The following MTERF1 variants were observed in gnomAD, a reference collection of about 807,000 sequenced individuals.
The protein encoded by MTERF1 is mitochondrial transcription termination factor 1, also known as transcription termination factor 1, mitochondrial.
A neutral mutation model predicts 31.6 loss-of-function variants in MTERF1; 29 were observed. The observed-to-expected ratio is 0.92, with a 90% CI of 0.68 to 1.25. MTERF1 has a LOEUF of 1.25. Ranked by LOEUF, MTERF1 falls within the 50% of genes most tolerant of loss-of-function variation. The pLI is 0.00. For missense variants in MTERF1, 500 were observed against 469.1 expected, an observed-to-expected ratio of 1.07 and a Z score of -0.61; for synonymous variants, 152 against 164.1, an observed-to-expected ratio of 0.93 and a Z score of 0.57.
intron 1 of MTERF1, 71 bp downstream of exon 1, chr7:91,880,586 C>A: frequency 6.4e-6 from 1 of 156,476 alleles, no homozygotes; most frequent in Non-Finnish European, 1.4e-5. Flanking sequence ...CTGCACTGTA[C>A]AGCAGTCACC....
rs376402234 is a variant in MTERF1 at position 91,874,121 on chromosome 7, A to G, written c.673T>C (p.Leu225=). 21 of 1,614,044 alleles carry G rather than the reference A, an allele frequency of 1.3e-5. No individual in the cohort carries two copies. In the Admixed American group the frequency reaches 1.7e-4, roughly 13 times the overall value. The change falls in exon 3 of 3, where the codon TTG becomes CTG. Residue 225 remains leucine, a synonymous_variant. Coordinates refer to ENST00000351870, the MANE Select transcript of MTERF1 (RefSeq NM_006980.5). ...VEFLQAAGLS[L]GHNDPADFVR... The stretch of plus-strand genomic sequence containing the variant: ...AAATCTGCGGGATCATTGTGACCCA[A>G]TGACAAACCGGCTGCCTGCAAAAAT...
Position 91,880,090 on chromosome 7 carries a change from A to C in MTERF1, c.-7T>G, listed in dbSNP as rs1584467366. 6.2e-7 allele frequency: 1 copy of C among 1,614,050 alleles called. No individual in the cohort carries two copies. The highest frequency in any genetic ancestry group is 1.6e-4 in the Middle Eastern group (1 of 6,062). ...CTAAGGAAAGGCTCTGCATCCCTCC[A>C]GAAAGGCTGGAGAACAGCTATCTCT... On this transcript the variant is annotated 5_prime_UTR_variant, in exon 2 of 3. Transcript: ENST00000351870.
chr7:91,872,760 A>G lies in MTERF1; in HGVS notation c.*834T>C, dbSNP rs930830998. Reference sequence around the variant, plus strand: ...GTCTTTCAGTTTATGTCAGAGCTAGATTGTATCTTGAAAATACCGACATTA... The same window carrying G: ...GTCTTTCAGTTTATGTCAGAGCTAGGTTGTATCTTGAAAATACCGACATTA... On this transcript the variant is annotated 3_prime_UTR_variant, in exon 3 of 3. Transcript: ENST00000351870. 1.3e-5 allele frequency: 2 copies of G among 152,188 alleles called. No homozygotes were observed. Among genetic ancestry groups the G allele is most frequent in the Non-Finnish European group, 2.9e-5 (2 of 68,024 alleles). 9.4% of individuals were successfully genotyped at this position (152,188 alleles called of 1,614,324 possible).
Position 91,874,237 on chromosome 7 carries a change from A to G in MTERF1, c.557T>C (p.Val186Ala), listed in dbSNP as rs1273846116. The G allele has an allele frequency of 1.4e-5, 22 of 1,613,996 alleles. No individual in the cohort carries two copies. The highest frequency in any genetic ancestry group is 1.9e-5 in the Non-Finnish European group (22 of 1,180,044). Residue 186 changes from valine (V) to alanine (A), a missense_variant, in exon 3 of 3, where the codon GTT becomes GCT. By Grantham distance (64) the Val-to-Ala change is moderately conservative. Transcript: ENST00000351870. ...LENNIKFLYS[V>A]GLTRKCLCRL... is the part of the protein sequence containing the mutation. ...ACAAAGGCATTTACGGGTCAATCCA[A>G]CTGAGTAGAGGAACTTTATATTATT...
chr7:91,874,302 A>G lies in MTERF1; in HGVS notation c.492T>C (p.Pro164=), dbSNP rs761603261. The part of the protein sequence containing the change: ...LEIVNILERS[P]ESFFRSNNNL... ...TGTTATTGGACCGAAAAAAGGATTC[A>G]GGAGAACGTTCCAAAATATTTACAA... is the stretch of plus-strand genomic sequence containing the variant. The change falls in exon 3 of 3, where the codon CCT becomes CCC. Residue 164 remains proline, a synonymous_variant. Coordinates refer to ENST00000351870, the MANE Select transcript of MTERF1 (RefSeq NM_006980.5). 3.1e-6 allele frequency: 5 copies of G among 1,614,170 alleles called. No homozygotes were observed.
At position 91,874,061 on chromosome 7, in the gene MTERF1, A is replaced by G; in HGVS notation, c.733T>C (p.Leu245=). ...RKIIFKNPFI[L]IQSTKRVKAN... ...TTCACCCGCTTGGTGCTCTGAATTA[A>G]GATAAAAGGGTTTTTAAAAATTATC... The change falls in exon 3 of 3, where the codon TTA becomes CTA. Residue 245 remains leucine, a synonymous_variant. Transcript: ENST00000351870. The G allele has an allele frequency of 6.2e-7, 1 of 1,614,140 alleles. No homozygotes were observed. The highest frequency in any genetic ancestry group is 8.5e-7 in the Non-Finnish European group (1 of 1,180,022).
In MTERF1 at chr7:91,873,445, C is replaced by T. The variant is rs1789233850; in HGVS notation, c.*149G>A. ...CCTCTTCAACTTTTAAAGATCCCTA[C>T]AATTATATTAGGCCCTCCAAAGTAA... is the stretch of plus-strand genomic sequence containing the variant. On this transcript the variant is annotated 3_prime_UTR_variant, in exon 3 of 3. Transcript: ENST00000351870. 1.4e-6 allele frequency: 1 copy of T among 702,344 alleles called. No individual in the cohort carries two copies. Among genetic ancestry groups the T allele is most frequent in the Non-Finnish European group, 2.3e-6 (1 of 438,076 alleles). 43.5% of individuals were successfully genotyped at this position (702,344 alleles called of 1,614,324 possible). A position where few individuals can be genotyped will look rare whatever the true frequency, so the allele number is the denominator to read the frequency against.
chr7:91,876,640 T>G (rs1789353616), intron 2 of MTERF1, among the ~76,000 whole-genome samples: 1 of 152,208 alleles, frequency 6.6e-6, no homozygotes, highest in African/African-American at 2.4e-5. Flanking sequence ...CTCACAGAAT[T>G]GGGAAAAGAT....
At chr7:91,878,201 A>G (rs1265584234) in intron 2 of MTERF1, among the ~76,000 whole-genome samples, 1 of 152,250 alleles carries the variant, frequency 6.6e-6, no homozygotes, top group Non-Finnish European at 1.5e-5. Context: ...AAATGGACTT[A>G]CAACTGGCAA....
At chr7:91,878,759 C>G (rs1484693178) in intron 2 of MTERF1, among the ~76,000 whole-genome samples, 3 of 152,112 alleles carry the variant, frequency 2.0e-5, no homozygotes, top group Non-Finnish European at 4.4e-5. Context: ...TGCTTGAGCC[C>G]AGGAGATCCA....
Position 91,874,279 on chromosome 7 carries a change from T to C in MTERF1, c.515A>G (p.Asn172Ser), listed in dbSNP as rs970254206. Reference protein sequence around the residue: ...RSPESFFRSNNNLNLENNIKF... With the variant: ...RSPESFFRSNSNLNLENNIKF... ...TATATTATTCTCTAAGTTTAGGTTG[T>C]TATTGGACCGAAAAAAGGATTCAGG... The change falls in exon 3 of 3, where the codon AAC becomes AGC. Residue 172 changes from asparagine to serine, a missense_variant. Coordinates refer to ENST00000351870, the MANE Select transcript of MTERF1 (RefSeq NM_006980.5). The C allele has an allele frequency of 1.2e-6, 2 of 1,614,132 alleles. No individual in the cohort carries two copies. The highest frequency in any genetic ancestry group is 8.5e-7 in the Non-Finnish European group (1 of 1,180,012).
rs142360964 is a variant in MTERF1, at chr7:91,874,560, G to C, written c.234C>G (p.Asn78Lys). Residue 78 changes from asparagine (N) to lysine (K), a missense_variant, in exon 3 of 3, where the codon AAC (asparagine) becomes AAG (lysine). Asn to Lys is a moderately conservative substitution (Grantham distance 94). Coordinates refer to ENST00000351870, the MANE Select transcript of MTERF1 (RefSeq NM_006980.5). ...CAATATCTACTCCCATAGTAAGTAA[G>C]TTTTTCAGTAGGTCCTCATTTTTCA... ...EPLKNEDLLK[N>K]LLTMGVDIDM... 5 of 1,613,940 alleles carry C rather than the reference G, an allele frequency of 3.1e-6. No homozygotes were observed. Among genetic ancestry groups the C allele is most frequent in the African/African-American group, 1.3e-5 (1 of 74,920 alleles).
At chr7:91,875,146 C>T (rs967489578) in intron 2 of MTERF1, among the ~76,000 whole-genome samples, 1 of 152,170 alleles carries the variant, frequency 6.6e-6, no homozygotes, top group African/African-American at 2.4e-5. Context: ...CATTAGTGCC[C>T]CAGAATTGTT....
chr7:91,874,140 C>A lies in MTERF1; in HGVS notation c.654G>T (p.Leu218Phe), dbSNP rs1584461279. The A allele has an allele frequency of 1.2e-6, 2 of 1,614,114 alleles. No homozygotes were observed. Among genetic ancestry groups the A allele is most frequent in the Non-Finnish European group, 1.7e-6 (2 of 1,180,008 alleles). The change falls in exon 3 of 3, where the codon TTG (leucine) becomes TTT (phenylalanine). Residue 218 changes from leucine (L) to phenylalanine (F), a missense_variant. By Grantham distance (22) the Leu-to-Phe change is conservative. Coordinates refer to ENST00000351870, the MANE Select transcript of MTERF1 (RefSeq NM_006980.5). ...LDLNKQMVEF[L>F]QAAGLSLGHN... is the part of the protein sequence containing the mutation. ...GACCCAATGACAAACCGGCTGCCTGCAAAAATTCAACCATCTGTTTATTCA... is the reference window on the plus strand; with the variant it reads ...GACCCAATGACAAACCGGCTGCCTGAAAAAATTCAACCATCTGTTTATTCA...
Position 91,874,190 on chromosome 7 carries a change from G to C in MTERF1, c.604C>G (p.Arg202Gly). The change falls in exon 3 of 3, where the codon CGT (arginine) becomes GGT (glycine). Residue 202 changes from arginine to glycine, a missense_variant. Coordinates refer to ENST00000351870, the MANE Select transcript of MTERF1 (RefSeq NM_006980.5). ...CLCRLLTNAP[R>G]TFSNSLDLNK... Reference sequence around the variant, plus strand: ...AGATCAAGACTATTGGAGAAGGTACGAGGGGCATTGGTCAACAATCGACAA... The same window carrying C: ...AGATCAAGACTATTGGAGAAGGTACCAGGGGCATTGGTCAACAATCGACAA... The C allele has an allele frequency of 6.2e-7, 1 of 1,614,134 alleles. No individual in the cohort carries two copies. Among genetic ancestry groups the C allele is most frequent in the Admixed American group, 1.7e-5 (1 of 59,998 alleles).
rs761282452 is a variant in MTERF1 at position 91,872,182 on chromosome 7, T to TA, written c.*1411dup. Reference sequence around the variant, plus strand: ...TAAATGTATTATAAGCAATGGAAGATAAAGTTGCACAACTCTATATATAAA... The same window carrying TA: ...TAAATGTATTATAAGCAATGGAAGATAAAAGTTGCACAACTCTATATATAAA... On this transcript the variant is annotated 3_prime_UTR_variant, in exon 3 of 3. Coordinates refer to ENST00000351870, the MANE Select transcript of MTERF1 (RefSeq NM_006980.5). The TA allele has an allele frequency of 6.6e-6, 1 of 152,248 alleles. No individual in the cohort carries two copies. The highest frequency in any genetic ancestry group is 1.5e-5 in the Non-Finnish European group (1 of 68,046). The allele number at this position is 152,248 out of a possible 1,614,324, so 9.4% of individuals were successfully genotyped here.
rs909263261 is a variant in MTERF1, at chr7:91,871,632, T to C, written c.*1962A>G. The C allele has an allele frequency of 4.6e-5, 7 of 152,198 alleles. No individual in the cohort carries two copies. The highest frequency in any genetic ancestry group is 1.4e-4 in the African/African-American group (6 of 41,438). The allele number at this position is 152,198 out of a possible 1,614,324, so 9.4% of individuals were successfully genotyped here. ...ACTGTATGATTCCATTTATATGAAATGCTCAGAATAAACAAATTTATAGAC... is the reference window on the plus strand; with the variant it reads ...ACTGTATGATTCCATTTATATGAAACGCTCAGAATAAACAAATTTATAGAC... On this transcript the variant is annotated 3_prime_UTR_variant, in exon 3 of 3. Coordinates refer to ENST00000351870, the MANE Select transcript of MTERF1 (RefSeq NM_006980.5).
At position 91,873,930 on chromosome 7, in the gene MTERF1, A is replaced by G. The variant is rs1282976756; in HGVS notation, c.864T>C (p.Tyr288=). The change falls in exon 3 of 3, where the codon TAT becomes TAC. Residue 288 remains tyrosine (Y), a synonymous_variant. Coordinates refer to ENST00000351870, the MANE Select transcript of MTERF1 (RefSeq NM_006980.5). ...GAEILDLSND[Y]ARRSYANIKE... ...TGATGTTTGCGTAGCTTCTTCTGGC[A>G]TAGTCATTGGAAAGGTCTAGGATTT... 1 of 1,614,062 alleles carries G rather than the reference A, an allele frequency of 6.2e-7. No homozygotes were observed.
chr7:91,878,433 G>A (rs138905779), intron 2 of MTERF1, among the ~76,000 whole-genome samples: 15 of 152,292 alleles, frequency 9.8e-5, no homozygotes, highest in African/African-American at 3.4e-4. Flanking sequence ...AGGAAACAGA[G>A]GAAATTCTCA....
Sources: gnomAD v4.1 joint callset for allele counts (sites outside exome capture counted in the v4.1 genomes callset) on GRCh38, gnomAD v4.1.1 for gene constraint, MANE v1.5 for transcripts, NCBI Gene and HGNC (gene_info 2026-07-23, HGNC 2026-07-21) for gene names.